TG: variants seen among roughly 807,000 people sequenced by gnomAD.
The protein encoded by TG is thyroid hormones.
In TG, 270 loss-of-function variants were observed where a neutral mutation model predicts 324.7. That is an observed-to-expected ratio of 0.83 (90% confidence interval 0.75 to 0.92). The LOEUF (loss-of-function observed/expected upper bound fraction) is 0.92, where lower values mean the gene tolerates loss of function less well. TG is among the 40% of genes least tolerant of loss of function. The pLI, the probability that TG is intolerant of heterozygous loss-of-function variation, is 0.00. For synonymous variants in TG, 1,401 were observed against 1,327.0 expected (o/e 1.06, Z -1.21); for missense variants, 3,591 against 3,456.4 (o/e 1.04, Z -0.98).
intron 43 of TG, 74 bp from the exon 44 acceptor site, chr8:133,113,348 C>T: frequency 1.9e-6 from 3 of 1,565,226 alleles, no homozygotes; most frequent in Non-Finnish European, 2.6e-6. Context: ...AATTCTAGAG[C>T]AAGGGTTTGA....
rs886836052 is a variant in TG, at chr8:132,925,617, G to A, written c.4699+2109G>A. 7.3e-5 allele frequency among the ~76,000 whole-genome samples: 11 copies of A among 151,296 alleles called. 1 individual carries two copies. The highest frequency in any genetic ancestry group is 2.7e-4 in the African/African-American group (11 of 41,198). The stretch of plus-strand genomic sequence containing the variant: ...TTCCCAACATCCCTCTTCTTGGGCA[G>A]AAAAAAACAGGGGAAGTACAGCAGG... On this transcript the variant is annotated intron_variant, in intron 22 of 47. Coordinates refer to ENST00000220616, the MANE Select transcript of TG (RefSeq NM_003235.5).
chr8:133,065,623 A>G (rs1307211981), intron 41 of TG, among the ~76,000 whole-genome samples: 1 of 152,138 alleles, frequency 6.6e-6, no homozygotes, highest in African/African-American at 2.4e-5. Flanking sequence ...TTAGCCGGAC[A>G]TGTTGGCACA....
rs533339079 is a variant in TG at position 133,057,080 on chromosome 8, G to A, written c.7239+27057G>A. ...GTCCCTACCTCCTTCTTCCTTCCCC[G>A]AGCCCCACCCGCCCCCTTCTTTCCA... On this transcript the variant is annotated intron_variant, in intron 41 of 47. Transcript: ENST00000220616. Among the ~76,000 whole-genome samples the A allele has an allele frequency of 8.2e-4, 108 of 131,212 alleles. 2 individuals carry two copies. The highest frequency in any genetic ancestry group is 3.9e-3 in the South Asian group (15 of 3,832). The allele number at this position is 131,212 out of a possible 152,430, so 86.1% of individuals were successfully genotyped here. A position where few individuals can be genotyped will look rare whatever the true frequency, so the allele number is the denominator to read the frequency against.
At position 133,113,437 on chromosome 8, in the gene TG, C is replaced by T. The variant is rs779592637; in HGVS notation, c.7588C>T (p.Arg2530Ter). 20 of 1,613,532 alleles carry T rather than the reference C, an allele frequency of 1.2e-5. No homozygotes were observed. The highest frequency in any genetic ancestry group is 1.6e-5 in the Non-Finnish European group (19 of 1,179,966). The change falls in exon 44 of 48, where the codon CGA becomes TGA. Residue 2530 changes from arginine to a stop codon, truncating the protein, a stop_gained. Coordinates refer to ENST00000220616, the MANE Select transcript of TG (RefSeq NM_003235.5). LOFTEE classifies it high-confidence loss of function. ...TTTTTTCTAGCAATTTGAGGAAAGTCGAGGCCGGACCAGTAGCAAAACAGC... is the reference window on the plus strand; with the variant it reads ...TTTTTTCTAGCAATTTGAGGAAAGTTGAGGCCGGACCAGTAGCAAAACAGC... The part of the protein sequence containing the change: ...AKAVKQFEES[R>*]GRTSSKTAFY...
intron 43 of TG, among the ~76,000 whole-genome samples, chr8:133,108,502 C>T (rs915354010): frequency 6.6e-6 from 1 of 152,194 alleles, no homozygotes; most frequent in African/African-American, 2.4e-5. Context: ...TCTCATCTAA[C>T]TTCATGACAG....
chr8:133,131,471 A>G (rs570425097), intron 45 of TG, among the ~76,000 whole-genome samples: 43 of 152,236 alleles, frequency 2.8e-4, no homozygotes, highest in Non-Finnish European at 5.3e-4. Flanking sequence ...CTAGAAGAAC[A>G]CCAATATCCA....
rs1588105137 is a variant in TG at position 133,102,341 on chromosome 8, TCACGGAGGGA to T, written c.7572+5971_7572+5980del. 9 of 499,942 alleles carry T rather than the reference TCACGGAGGGA, an allele frequency of 1.8e-5. No individual in the cohort carries two copies. In the East Asian group the frequency reaches 2.7e-4, roughly 15 times the overall value. The allele number at this position is 499,942 out of a possible 1,614,324, so 31.0% of individuals were successfully genotyped here. On this transcript the variant is annotated intron_variant, in intron 43 of 47. Coordinates refer to ENST00000220616, the MANE Select transcript of TG (RefSeq NM_003235.5). ...CATGCAGTGCAGCTTCCCAGGGAAGTCACGGAGGGACAGGAGTGGAGCCTCTTACCCCAAG... is the reference window on the plus strand; with the variant it reads ...CATGCAGTGCAGCTTCCCAGGGAAGTCAGGAGTGGAGCCTCTTACCCCAAG...
In TG at chr8:133,045,083, C is replaced by T. The variant is rs368739080; in HGVS notation, c.7239+15060C>T. On this transcript the variant is annotated intron_variant, in intron 41 of 47. Coordinates refer to ENST00000220616, the MANE Select transcript of TG (RefSeq NM_003235.5). ...AGACGGAAAATGCGGTAATGCTTTA[C>T]CTGCCTGTGTCTCACCGACAGTGAG... 20 of 1,614,072 alleles carry T rather than the reference C, an allele frequency of 1.2e-5. No homozygotes were observed. In the African/African-American group the frequency reaches 2.3e-4, roughly 18 times the overall value.
At chr8:132,938,454 C>T (rs116251456) in intron 25 of TG, among the ~76,000 whole-genome samples, 3,715 of 152,264 alleles carry the variant, frequency 0.024, 144 homozygotes, top group African/African-American at 0.085. Context: ...AACCATCTTA[C>T]TACATGTGAC....
chr8:132,914,005 C>G (rs1819923790), intron 20 of TG, among the ~76,000 whole-genome samples: 1 of 152,140 alleles, frequency 6.6e-6, no homozygotes, highest in Non-Finnish European at 1.5e-5. Flanking sequence ...TCTTGCTCAC[C>G]AAACCAGCAA....
intron 43 of TG, chr8:133,102,862 G>T (rs900927606): frequency 1.2e-5 from 4 of 346,608 alleles, no homozygotes; most frequent in Non-Finnish European, 2.2e-5. Context: ...GCTTGGCCAG[G>T]AGTTGGCCTC....
chr8:133,125,433 T>A (rs1851441635), intron 45 of TG, among the ~76,000 whole-genome samples: 1 of 152,138 alleles, frequency 6.6e-6, no homozygotes. Context: ...AAAAGAAAGA[T>A]CATCAAAGGC....
intron 41 of TG, among the ~76,000 whole-genome samples, chr8:133,064,650 T>C (rs1564140806): frequency 6.6e-6 from 1 of 152,242 alleles, no homozygotes; most frequent in Non-Finnish European, 1.5e-5. Context: ...GGTCACATAC[T>C]GGCATGGCGT....
intron 41 of TG, among the ~76,000 whole-genome samples, chr8:133,088,710 G>T (rs1188244039): frequency 5.9e-5 from 9 of 152,288 alleles, no homozygotes; most frequent in South Asian, 2.1e-4. Flanking sequence ...CTACATTTCA[G>T]ATTGTCTCCT....
At chr8:132,995,144 A>G (rs1832749392) in intron 35 of TG, 1 of 971,434 alleles carries the variant, frequency 1.0e-6, no homozygotes, top group African/African-American at 1.8e-5. Flanking sequence ...CTCTGTTCTA[A>G]TTCTATTCCT....
chr8:132,987,389 G>A (rs1404301609), intron 35 of TG, among the ~76,000 whole-genome samples: 1 of 152,038 alleles, frequency 6.6e-6, no homozygotes, highest in Non-Finnish European at 1.5e-5. Context: ...ATGTGTACAG[G>A]CACGTATGCA....
At chr8:133,092,404 G>T (rs532801976) in intron 41 of TG, among the ~76,000 whole-genome samples, 2 of 152,230 alleles carry the variant, frequency 1.3e-5, no homozygotes, top group African/African-American at 4.8e-5. Context: ...CCATTGAATA[G>T]CTAGGTCAGA....
intron 38 of TG, among the ~76,000 whole-genome samples, chr8:133,018,245 C>T (rs114284552): frequency 2.0e-5 from 3 of 152,204 alleles, no homozygotes; most frequent in Non-Finnish European, 4.4e-5. Flanking sequence ...CTGCTCCATG[C>T]AGTGATTCAG....
At chr8:133,019,090 C>T (rs1835324790) in intron 38 of TG, among the ~76,000 whole-genome samples, 1 of 152,142 alleles carries the variant, frequency 6.6e-6, no homozygotes, top group Non-Finnish European at 1.5e-5. Context: ...TAGTCCAGGG[C>T]TAGTAAGGAT....
Sources: allele counts gnomAD v4.1 joint callset (sites outside exome capture counted in the v4.1 genomes callset), GRCh38; gene constraint gnomAD v4.1.1; transcripts MANE v1.5; gene names NCBI Gene and HGNC (gene_info 2026-07-23, HGNC 2026-07-21).